The following SULF1 variants were observed in gnomAD, a reference collection of about 807,000 sequenced individuals.
SULF1 encodes the protein extracellular sulfatase Sulf-1.
In SULF1, 46 loss-of-function variants were observed where a neutral mutation model predicts 110.5. That is an observed-to-expected ratio of 0.42 (90% CI 0.33 to 0.53). The LOEUF (loss-of-function observed/expected upper bound fraction) is 0.53, where lower values mean the gene tolerates loss of function less well. Ranked by LOEUF, SULF1 falls within the 20% of genes least tolerant of loss-of-function variation. The pLI is 0.12. For missense variants in SULF1, 941 were observed against 1,094.2 expected (o/e 0.86, Z 1.98); for synonymous variants, 371 against 387.1 (o/e 0.96, Z 0.49).
chr8:69,507,334 A>G (rs909182581), intron 3 of SULF1, among the ~76,000 whole-genome samples: 7 of 152,192 alleles, frequency 4.6e-5, no homozygotes, highest in African/African-American at 1.7e-4. Context: ...ATCGTGCTAG[A>G]GAATTTGTAG....
Position 69,563,989 on chromosome 8 carries a change from G to A in SULF1, c.14G>A (p.Cys5Tyr), listed in dbSNP as rs1295255498. The change falls in exon 5 of 23, where the codon TGC becomes TAC. Residue 5 changes from cysteine to tyrosine, a missense_variant. This residue lies in a region of SULF1 where 822 missense variants were observed against 934.3 expected (regional missense o/e 0.88). Coordinates refer to ENST00000402687, the MANE Select transcript of SULF1 (RefSeq NM_001128205.2). ...GGACCAAATACAATGAAGTATTCTT[G>A]CTGTGCTCTGGTTTTGGCTGTCCTG... MKYS[C>Y]CALVLAVLGT... is the part of the protein sequence containing the mutation. The A allele has an allele frequency of 1.9e-6, 3 of 1,614,066 alleles. No homozygotes were observed. The African/African-American group carries it at 4.0e-5, about 22-fold the overall frequency.
intron 8 of SULF1, among the ~76,000 whole-genome samples, chr8:69,589,663 C>A (rs1451856097): frequency 6.7e-6 from 1 of 149,268 alleles, no homozygotes; most frequent in Non-Finnish European, 1.5e-5. Context: ...TTTAAAATAA[C>A]CTGATTTTTT....
At chr8:69,482,576 G>C (rs555925624) in intron 1 of SULF1, among the ~76,000 whole-genome samples, 5 of 151,930 alleles carry the variant, frequency 3.3e-5, no homozygotes, top group African/African-American at 1.2e-4. Context: ...TAAAATCTCT[G>C]TTTGTATATA....
chr8:69,641,890 G>C (rs1278524558), intron 22 of SULF1, among the ~76,000 whole-genome samples: 1 of 151,986 alleles, frequency 6.6e-6, no homozygotes, highest in East Asian at 1.9e-4. Context: ...GTGCTCTGGA[G>C]GGGGGACGCA....
intron 19 of SULF1, among the ~76,000 whole-genome samples, chr8:69,631,719 C>A (rs1228294499): frequency 6.6e-6 from 1 of 152,256 alleles, no homozygotes; most frequent in African/African-American, 2.4e-5. Context: ...GCCATGGGGC[C>A]TTTGCACTTG....
At chr8:69,515,293 A>AGGCTTGCATTC (rs1656175278) in intron 3 of SULF1, among the ~76,000 whole-genome samples, 1 of 152,036 alleles carries the variant, frequency 6.6e-6, no homozygotes, top group Admixed American at 6.5e-5. Context: ...TGAAGGCCCA[A>AGGCTTGCATTC]CACCATGTGG....
chr8:69,639,058 GA>G (rs1811266518), intron 21 of SULF1, among the ~76,000 whole-genome samples, 200 bp downstream of exon 21: 1 of 152,168 alleles, frequency 6.6e-6, no homozygotes, highest in Non-Finnish European at 1.5e-5. Flanking sequence ...TCCACCAAAA[GA>G]TTTGGTGAGC....
intron 22 of SULF1, among the ~76,000 whole-genome samples, chr8:69,656,871 G>T (rs1812775233): frequency 6.6e-6 from 1 of 152,120 alleles, no homozygotes; most frequent in Admixed American, 6.6e-5. Context: ...TGGTATTTCT[G>T]GTTCTAAATC....
intron 3 of SULF1, among the ~76,000 whole-genome samples, chr8:69,560,776 T>A (rs867800823): frequency 1.6e-4 from 25 of 152,216 alleles, no homozygotes; most frequent in African/African-American, 5.5e-4. Context: ...GTTAAGAGGA[T>A]GACAGGCTTT....
intron 3 of SULF1, among the ~76,000 whole-genome samples, chr8:69,541,360 C>T (rs546631090): frequency 3.3e-4 from 50 of 152,270 alleles, no homozygotes; most frequent in South Asian, 1.0e-3. Context: ...CTGCCAGTGT[C>T]GCTGAAGGAA....
chr8:69,628,864 C>CA (rs1385098215), intron 18 of SULF1, among the ~76,000 whole-genome samples: 2 of 152,014 alleles, frequency 1.3e-5, no homozygotes, highest in East Asian at 3.9e-4. Context: ...ACTCGGCTGC[C>CA]AAAAAAATGA....
intron 19 of SULF1, among the ~76,000 whole-genome samples, chr8:69,631,968 C>T (rs758751575): frequency 2.0e-5 from 3 of 152,220 alleles, no homozygotes; most frequent in Non-Finnish European, 4.4e-5. Flanking sequence ...TTCCACTAGA[C>T]TGTGAGTTTC....
chr8:69,483,593 C>T (rs1333737937), intron 1 of SULF1, among the ~76,000 whole-genome samples: 1 of 152,182 alleles, frequency 6.6e-6, no homozygotes, highest in Non-Finnish European at 1.5e-5. Context: ...ATACCTAAAA[C>T]TTCTAGGGCT....
chr8:69,536,271 C>T (rs1381121630), intron 3 of SULF1, among the ~76,000 whole-genome samples: 1 of 152,158 alleles, frequency 6.6e-6, no homozygotes, highest in Admixed American at 6.5e-5. Context: ...ATTCACCTGG[C>T]AGCTCCTAAG....
intron 6 of SULF1, among the ~76,000 whole-genome samples, chr8:69,581,537 A>C (rs1299318643): frequency 6.6e-6 from 1 of 152,220 alleles, no homozygotes; most frequent in Non-Finnish European, 1.5e-5. Flanking sequence ...AATGGTATCC[A>C]AAACAAAGAG....
intron 5 of SULF1, among the ~76,000 whole-genome samples, chr8:69,566,872 G>A (rs1477139684): frequency 1.3e-5 from 2 of 152,120 alleles, no homozygotes; most frequent in African/African-American, 4.8e-5. Context: ...GAACTAGCTT[G>A]TTTAACTCTC....
At chr8:69,547,638 G>A (rs1814372480) in intron 3 of SULF1, among the ~76,000 whole-genome samples, 1 of 152,108 alleles carries the variant, frequency 6.6e-6, no homozygotes, top group African/African-American at 2.4e-5. Context: ...ACACACCCCA[G>A]GAAGCCCTGG....
chr8:69,596,037 T>G (rs1274249302), intron 8 of SULF1, among the ~76,000 whole-genome samples: 1 of 152,162 alleles, frequency 6.6e-6, no homozygotes, highest in East Asian at 1.9e-4. Flanking sequence ...GGCATGATGG[T>G]GAAGGTTGAG....
At chr8:69,487,951 C>T (rs897625944), upstream of SULF1, among the ~76,000 whole-genome samples, 23 of 152,126 alleles carry the variant, frequency 1.5e-4, no homozygotes, top group African/African-American at 4.8e-4. Flanking sequence ...TTGTAAGTTC[C>T]ACAACTCAGT....
Sources: gnomAD v4.1 joint callset for allele counts (sites outside exome capture counted in the v4.1 genomes callset) on GRCh38, gnomAD v4.1.1 for gene constraint, gnomAD v4.1.1 regional missense constraint, MANE v1.5 for transcripts, NCBI Gene and HGNC (gene_info 2026-07-23, HGNC 2026-07-21) for gene names.